RCL1: variants seen among roughly 807,000 people sequenced by gnomAD.
The protein encoded by RCL1 is RNA 3'-terminal phosphate cyclase-like protein.
A neutral mutation model predicts 42.4 loss-of-function variants in RCL1; 24 were observed. The observed-to-expected ratio is 0.57, with a 90% CI of 0.41 to 0.80. RCL1 has a LOEUF of 0.80. Ranked by LOEUF, RCL1 falls within the 30% of genes least tolerant of loss-of-function variation. The pLI is 0.00. For missense variants in RCL1, 578 were observed against 467.9 expected, an observed-to-expected ratio of 1.24 and a Z score of -2.17; for synonymous variants, 228 against 177.3, an observed-to-expected ratio of 1.29 and a Z score of -2.27.
intron 5 of RCL1, among the ~76,000 whole-genome samples, chr9:4,840,445 G>T (rs970959071): frequency 5.3e-5 from 8 of 152,148 alleles, no homozygotes; most frequent in Non-Finnish European, 1.0e-4. Context: ...GGGAATGCCA[G>T]CTTCTGTTAT....
rs185408843 is a variant in RCL1 at position 4,829,408 on chromosome 9, A to G, written c.384+2375A>G. ...GTCCTGGTTGCAATAAAGGATCATG[A>G]TCGTAAAGATCATTCCCATTTGACA... On this transcript the variant is annotated intron_variant, in intron 3 of 8. Transcript: ENST00000381750. 2.0e-5 allele frequency among the ~76,000 whole-genome samples: 3 copies of G among 152,336 alleles called. No homozygotes were observed. In the East Asian group the frequency reaches 5.8e-4, roughly 29 times the overall value.
At chr9:4,793,839 G>A (rs1245862991) in intron 1 of RCL1, among the ~76,000 whole-genome samples, 1 of 152,226 alleles carries the variant, frequency 6.6e-6, no homozygotes, top group East Asian at 1.9e-4. Context: ...CTTTGAGATA[G>A]ACTTTTAACA....
At position 4,860,344 on chromosome 9, in the gene RCL1, CAAGTCCA is replaced by C; in HGVS notation, c.*72_*78del. The C allele has an allele frequency of 6.6e-6, 10 of 1,525,442 alleles. No individual in the cohort carries two copies. Among genetic ancestry groups the C allele is most frequent in the Non-Finnish European group, 8.9e-6 (10 of 1,124,124 alleles). 94.5% of individuals were successfully genotyped at this position (1,525,442 alleles called of 1,614,324 possible). A position where few individuals can be genotyped will look rare whatever the true frequency, so the allele number is the denominator to read the frequency against. On this transcript the variant is annotated 3_prime_UTR_variant, in exon 9 of 9. Transcript: ENST00000381750. ...AAGCTGCCACGGACACCAATGGGAC[CAAGTCCA>C]AATGGATTAATCCAGGACAGAATAG... is the stretch of plus-strand genomic sequence containing the variant.
intron 5 of RCL1, chr9:4,839,717 A>G: frequency 2.0e-6 from 2 of 984,512 alleles, no homozygotes; most frequent in Non-Finnish European, 2.4e-6. Flanking sequence ...GTCAAGTTAA[A>G]TATTTATTGA....
At chr9:4,793,266 G>T (rs763858909) in intron 1 of RCL1, 39 bp downstream of exon 1, 34 of 1,550,564 alleles carry the variant, frequency 2.2e-5, no homozygotes, top group Non-Finnish European at 3.0e-5. Flanking sequence ...GGGCGCGGGG[G>T]CTGAGGGGAG....
chr9:4,802,453 T>C (rs2130968595), intron 1 of RCL1, among the ~76,000 whole-genome samples: 1 of 152,338 alleles, frequency 6.6e-6, no homozygotes, highest in South Asian at 2.1e-4. Flanking sequence ...TTGTCGTCTT[T>C]ATTATGTTGA....
chr9:4,857,217 C>T (rs575707089), intron 8 of RCL1, among the ~76,000 whole-genome samples: 8 of 152,276 alleles, frequency 5.3e-5, no homozygotes, highest in African/African-American at 1.9e-4. Flanking sequence ...TTTACTACCC[C>T]CAGAAAGAAA....
intron 1 of RCL1, among the ~76,000 whole-genome samples, chr9:4,816,012 A>G (rs1816363179): frequency 6.6e-6 from 1 of 151,738 alleles, no homozygotes; most frequent in African/African-American, 2.4e-5. Context: ...AACTCTTCTG[A>G]TGCACTCTGG....
chr9:4,839,858 T>C (rs904082641), intron 5 of RCL1: 3 of 985,266 alleles, frequency 3.0e-6, no homozygotes, highest in Non-Finnish European at 3.6e-6. Flanking sequence ...GAGAGATGTA[T>C]GGTAAGTTCA....
intron 1 of RCL1, among the ~76,000 whole-genome samples, chr9:4,816,642 T>A (rs1816387984): frequency 6.6e-6 from 1 of 152,174 alleles, no homozygotes; most frequent in African/African-American, 2.4e-5. Flanking sequence ...ACAGTAGTAA[T>A]TTTAAAAATG....
chr9:4,812,344 A>AT (rs34826877), intron 1 of RCL1, among the ~76,000 whole-genome samples: 14 of 148,720 alleles, frequency 9.4e-5, no homozygotes, highest in Middle Eastern at 3.4e-3. Flanking sequence ...CTTTAAGTTC[A>AT]TTTTTTTTTT....
At chr9:4,851,691 A>C (rs1169708003) in intron 8 of RCL1, among the ~76,000 whole-genome samples, 3 of 151,984 alleles carry the variant, frequency 2.0e-5, no homozygotes, top group African/African-American at 7.3e-5. Context: ...TGTTTTGTGA[A>C]ACCTCAGATT....
At chr9:4,802,374 A>G (rs1843018187) in intron 1 of RCL1, among the ~76,000 whole-genome samples, 1 of 152,130 alleles carries the variant, frequency 6.6e-6, no homozygotes, top group Non-Finnish European at 1.5e-5. Flanking sequence ...AATCTTGTCT[A>G]ATATACAAAA....
At chr9:4,806,046 T>TGTGTGTGTG (rs1587696264) in intron 1 of RCL1, among the ~76,000 whole-genome samples, 3 of 71,254 alleles carry the variant, frequency 4.2e-5, no homozygotes, top group African/African-American at 1.3e-4. Context: ...GTGTGTGTGT[T>TGTGTGTGTG]TGTGTGTGTG....
chr9:4,822,341 T>A (rs1318843245), intron 1 of RCL1, among the ~76,000 whole-genome samples: 2 of 152,194 alleles, frequency 1.3e-5, no homozygotes, highest in Admixed American at 6.5e-5. Context: ...GAAGAGTTAG[T>A]CTTTCTGTCC....
chr9:4,814,243 T>C (rs1169248483), intron 1 of RCL1, among the ~76,000 whole-genome samples: 3 of 150,020 alleles, frequency 2.0e-5, no homozygotes, highest in Admixed American at 6.7e-5. Flanking sequence ...GTTCTTTCTA[T>C]ACCTAACGTA....
At chr9:4,822,557 A>G (rs927289919) in intron 1 of RCL1, among the ~76,000 whole-genome samples, 2 of 151,962 alleles carry the variant, frequency 1.3e-5, no homozygotes, top group African/African-American at 4.8e-5. Context: ...GTGGCTCACG[A>G]CTGTAATCCC....
chr9:4,801,920 C>CTT (rs751952837), intron 1 of RCL1, among the ~76,000 whole-genome samples: 1 of 149,676 alleles, frequency 6.7e-6, no homozygotes, highest in African/African-American at 2.4e-5. Flanking sequence ...GTCTTTTTTT[C>CTT]TTTTTTTTTG....
chr9:4,860,426 A>C lies in RCL1; in HGVS notation c.*151A>C. On this transcript the variant is annotated 3_prime_UTR_variant, in exon 9 of 9. Coordinates refer to ENST00000381750, the MANE Select transcript of RCL1 (RefSeq NM_005772.5). ...AAATATCAATATACAAATAAAAGAC[A>C]TCCCTGTAGCATATGGTTTCCAGCT... is the stretch of plus-strand genomic sequence containing the variant. 1.2e-5 allele frequency: 10 copies of C among 831,962 alleles called. No homozygotes were observed. Among genetic ancestry groups the C allele is most frequent in the African/African-American group, 1.8e-5 (1 of 56,104 alleles). The allele number at this position is 831,962 out of a possible 1,614,324, so 51.5% of individuals were successfully genotyped here.
Sources: gnomAD v4.1 joint callset for allele counts (sites outside exome capture counted in the v4.1 genomes callset) on GRCh38, gnomAD v4.1.1 for gene constraint, MANE v1.5 for transcripts, NCBI Gene and HGNC (gene_info 2026-07-23, HGNC 2026-07-21) for gene names.